The following PZP variants were observed in gnomAD, a reference collection of about 807,000 sequenced individuals.
PZP encodes the protein pregnancy zone protein.
PZP carries 150 observed loss-of-function variants against 179.8 expected under a neutral mutation model. The observed-to-expected ratio is 0.83, with a 90% CI of 0.73 to 0.96. PZP has a LOEUF of 0.96. PZP is among the 40% of genes least tolerant of loss of function. The pLI, the probability that PZP is intolerant of heterozygous loss-of-function variation, is 0.00. For missense variants in PZP, 1,689 were observed against 1,764.0 expected (o/e 0.96, Z 0.76); for synonymous variants, 624 against 652.3 (o/e 0.96, Z 0.66).
At position 9,160,344 on chromosome 12, in the gene PZP, T is replaced by C. The variant is rs371845889; in HGVS notation, c.3019A>G (p.Lys1007Glu). Residue 1007 changes from lysine (K) to glutamate (E), a missense_variant, in exon 24 of 36, where the codon AAG (lysine) becomes GAG (glutamate). Around this residue, in one of 3 missense-constraint regions of PZP, gnomAD observed 746 missense variants for 749.2 expected, o/e 1.00. Coordinates refer to ENST00000261336, the MANE Select transcript of PZP (RefSeq NM_002864.3). ...NETQQLTQEI[K>E]AKAVGYLITG... is the part of the protein sequence containing the mutation. ...ATGAGATAGCCAACGGCCTTGGCCT[T>C]GATCTCCTGCGTCAGCTGCTGGGTT... 4 of 1,613,922 alleles carry C rather than the reference T, an allele frequency of 2.5e-6. No individual in the cohort carries two copies. In the African/African-American group the frequency reaches 5.3e-5, roughly 22 times the overall value.
rs749862411 is a variant in PZP at position 9,164,200 on chromosome 12, T to C, written c.2547A>G (p.Glu849=). ...AFLASQNTKG[E]ESYCICGNER... ...CATTTCCACAGATACAATAGGATTC[T>C]TCTCCCTTTGTATTTTGGGAAGCTA... The change falls in exon 20 of 36, where the codon GAA becomes GAG. Residue 849 remains glutamate (E), a synonymous_variant. Coordinates refer to ENST00000261336, the MANE Select transcript of PZP (RefSeq NM_002864.3). 5 of 1,609,716 alleles carry C rather than the reference T, an allele frequency of 3.1e-6. No homozygotes were observed. The highest frequency in any genetic ancestry group is 4.3e-6 in the Non-Finnish European group (5 of 1,175,964).
intron 1 of PZP, among the ~76,000 whole-genome samples, chr12:9,205,748 C>T (rs1259137496): frequency 6.6e-6 from 1 of 152,106 alleles, no homozygotes; most frequent in Non-Finnish European, 1.5e-5. Context: ...TAAACTCTTA[C>T]TTTTTAAATT....
chr12:9,173,580 G>A (rs771652011), intron 15 of PZP, among the ~76,000 whole-genome samples: 1 of 152,144 alleles, frequency 6.6e-6, no homozygotes, highest in Non-Finnish European at 1.5e-5. Flanking sequence ...TAGACTGCTA[G>A]CTAGACTAAT....
chr12:9,149,551 G>T lies in PZP; in HGVS notation c.4426+10C>A. On this transcript the variant is annotated intron_variant, in intron 35 of 35. Coordinates refer to ENST00000261336, the MANE Select transcript of PZP (RefSeq NM_002864.3). ...CCATCTAGTACTGGTCATAAGTGGT[G>T]AACTCTTACCTGTGCTGCAGGGGGC... The T allele has an allele frequency of 6.2e-7, 1 of 1,610,946 alleles. No homozygotes were observed. Among genetic ancestry groups the T allele is most frequent in the South Asian group, 1.1e-5 (1 of 90,806 alleles).
chr12:9,136,498 A>C, the PZP span, among the ~76,000 whole-genome samples: 1 of 152,190 alleles, frequency 6.6e-6, no homozygotes, highest in Non-Finnish European at 1.5e-5. Flanking sequence ...CATTTAAAAA[A>C]GGCAATATTC....
chr12:9,143,666 A>C, the PZP span, among the ~76,000 whole-genome samples: 288 of 152,286 alleles, frequency 1.9e-3, 1 homozygote, highest in African/African-American at 6.6e-3. Context: ...AAGGTCCCTG[A>C]GAATTTGAAA....
At chr12:9,159,866 G>T in intron 25 of PZP, 72 bp downstream of exon 25, 2 of 1,304,202 alleles carry the variant, frequency 1.5e-6, no homozygotes, top group Non-Finnish European at 2.2e-6. Flanking sequence ...AACAGAAAAT[G>T]GACTAAGACA....
chr12:9,194,619 C>A (rs367708574), intron 10 of PZP, among the ~76,000 whole-genome samples: 52 of 152,152 alleles, frequency 3.4e-4, no homozygotes, highest in African/African-American at 1.2e-3. Flanking sequence ...CGCCCGCCAC[C>A]CCGCCCAGCT....
At chr12:9,194,678 A>G (rs970871049) in intron 10 of PZP, among the ~76,000 whole-genome samples, 5 of 151,872 alleles carry the variant, frequency 3.3e-5, no homozygotes, top group African/African-American at 1.2e-4. Flanking sequence ...GTTAGCCAGG[A>G]TGGTCTCGAT....
intron 25 of PZP, 24 bp downstream of exon 25, chr12:9,159,914 C>T (rs762822425): frequency 1.3e-6 from 2 of 1,578,408 alleles, no homozygotes; most frequent in Admixed American, 3.3e-5. Context: ...ATAGTTGAAA[C>T]TCAGAATAGA....
chr12:9,152,415 C>A, intron 31 of PZP, 105 bp from the exon 32 acceptor site: 1 of 825,810 alleles, frequency 1.2e-6, no homozygotes, highest in Non-Finnish European at 2.0e-6. Context: ...AGAAGTTGTC[C>A]CTAATATTCT....
At chr12:9,151,207 T>C (rs1409358927) in intron 33 of PZP, among the ~76,000 whole-genome samples, 1 of 152,220 alleles carries the variant, frequency 6.6e-6, no homozygotes, top group Admixed American at 6.5e-5. Flanking sequence ...ACTGGGGTCA[T>C]ATTTATTCAT....
chr12:9,154,189 T>G (rs1940572092), intron 29 of PZP, among the ~76,000 whole-genome samples: 1 of 152,152 alleles, frequency 6.6e-6, no homozygotes, highest in Admixed American at 6.5e-5. Context: ...TGGAGGAAAT[T>G]TTTTCTTGTT....
chr12:9,137,255 A>G, the PZP span, among the ~76,000 whole-genome samples: 2 of 152,104 alleles, frequency 1.3e-5, no homozygotes, highest in Non-Finnish European at 2.9e-5. Context: ...ATGGATATAC[A>G]GTTTTCTCCA....
rs1225446070 is a variant in PZP at position 9,208,310 on chromosome 12, A to G, written c.32T>C (p.Leu11Pro). 6.2e-7 allele frequency: 1 copy of G among 1,613,802 alleles called. No individual in the cohort carries two copies. Among genetic ancestry groups the G allele is most frequent in the Non-Finnish European group, 8.5e-7 (1 of 1,179,740 alleles). MRKDRLLHLC[L>P]VLLLILLSAS... ...AGAAAGCAGGATAAGAAGTAGCACA[A>G]GACATAAATGAAGAAGTCTGTCTTT... Residue 11 changes from leucine (L) to proline (P), a missense_variant, in exon 1 of 36, where the codon CTT becomes CCT. Leu to Pro is a moderately conservative substitution (Grantham distance 98, BLOSUM62 -3). This residue lies in a region of PZP where 742 missense variants were observed against 730.5 expected (regional missense o/e 1.02). Coordinates refer to ENST00000261336, the MANE Select transcript of PZP (RefSeq NM_002864.3).
Position 9,169,550 on chromosome 12 carries a change from AG to A in PZP, c.1880del (p.Pro627LeufsTer45). The A allele has an allele frequency of 6.2e-7, 1 of 1,613,088 alleles. No homozygotes were observed. The highest frequency in any genetic ancestry group is 2.2e-5 in the East Asian group (1 of 44,792). ...LLTVKDLTNF[P>X]DNVDQQEEEQ... Reference sequence around the variant, plus strand: ...CTTCCTCCTGCTGGTCCACATTGTCAGGAAAATTGGTGAGATCCTTCACAGT... The same window carrying A: ...CTTCCTCCTGCTGGTCCACATTGTCAGAAAATTGGTGAGATCCTTCACAGT... On this transcript the variant is annotated frameshift_variant, in exon 16 of 36. Transcript: ENST00000261336. LOFTEE classifies it high-confidence loss of function.
At chr12:9,140,300 GT>G in the PZP span, among the ~76,000 whole-genome samples, 1 of 152,152 alleles carries the variant, frequency 6.6e-6, no homozygotes, top group Non-Finnish European at 1.5e-5. Flanking sequence ...CCATGCTATG[GT>G]TTTTTTCCCA....
intron 13 of PZP, among the ~76,000 whole-genome samples, chr12:9,191,370 T>C (rs1382247025): frequency 6.6e-6 from 1 of 152,126 alleles, no homozygotes; most frequent in Non-Finnish European, 1.5e-5. Flanking sequence ...AAACTGATAT[T>C]CAAAACTGGC....
In PZP at chr12:9,203,913, T is replaced by A; in HGVS notation, c.122A>T (p.Glu41Val). Reference sequence around the variant, plus strand: ...AAGGACACAGCCCTTCTTAGGGGCCTCAGTGTGGAGCAGGGAGGGGACCAG... The same window carrying A: ...AAGGACACAGCCCTTCTTAGGGGCCACAGTGTGGAGCAGGGAGGGGACCAG... ...MVLVPSLLHT[E>V]APKKGCVLLS... The change falls in exon 2 of 36, where the codon GAG becomes GTG. Residue 41 changes from glutamate (E) to valine (V), a missense_variant. Glu to Val is a moderately radical substitution (Grantham distance 121, BLOSUM62 -2). Coordinates refer to ENST00000261336, the MANE Select transcript of PZP (RefSeq NM_002864.3). 1 of 1,614,026 alleles carries A rather than the reference T, an allele frequency of 6.2e-7. No individual in the cohort carries two copies.
Sources: gnomAD v4.1 joint callset for allele counts (sites outside exome capture counted in the v4.1 genomes callset) on GRCh38, gnomAD v4.1.1 for gene constraint, gnomAD v4.1.1 regional missense constraint, MANE v1.5 for transcripts, NCBI Gene and HGNC (gene_info 2026-07-23, HGNC 2026-07-21) for gene names.